SDK2: variants seen among roughly 807,000 people sequenced by gnomAD.
SDK2 encodes the protein protein sidekick-2.
SDK2 carries 105 observed loss-of-function variants against 253.9 expected under a neutral mutation model. The ratio of observed to expected loss-of-function variants is 0.41; its 90% CI spans 0.35 to 0.49. The LOEUF (loss-of-function observed/expected upper bound fraction) is 0.49, where lower values mean the gene tolerates loss of function less well. SDK2 is among the 20% of genes least tolerant of loss of function. The probability of loss-of-function intolerance (pLI) is 0.06; values close to 1 mark genes in which losing one functional copy is unlikely to be tolerated. For missense variants in SDK2, 2,608 were observed against 3,003.0 expected (o/e 0.87, Z 3.07); for synonymous variants, 1,249 against 1,234.9 (o/e 1.01, Z -0.24).
chr17:73,408,211 C>T (rs944309374), intron 18 of SDK2, among the ~76,000 whole-genome samples: 1 of 150,758 alleles, frequency 6.6e-6, no homozygotes, highest in Non-Finnish European at 1.5e-5. Context: ...ACCACTACAC[C>T]TGGCTAATTT....
intron 1 of SDK2, among the ~76,000 whole-genome samples, chr17:73,551,579 A>G (rs1231423171): frequency 5.3e-5 from 8 of 150,574 alleles, no homozygotes; most frequent in African/African-American, 9.8e-5. Context: ...TCTCAACCTA[A>G]CCCCTCCTGG....
chr17:73,419,727 A>C (rs1347203492), intron 15 of SDK2, among the ~76,000 whole-genome samples: 13 of 113,766 alleles, frequency 1.1e-4, no homozygotes, highest in South Asian at 1.1e-3. Context: ...AACAAAAAAA[A>C]CCCAAAAAAA....
chr17:73,443,201 G>A lies in SDK2; in HGVS notation c.614-2278C>T, dbSNP rs1205238198. On this transcript the variant is annotated intron_variant, in intron 5 of 44. Transcript: ENST00000392650. This position sits in a 1 kb window ranked among gnomAD's most constrained non-coding sequence, Gnocchi z 4.6. Reference sequence around the variant, plus strand: ...TGGGCCACCTTGTCAGCCCTGGGCAGGTTTTCCTTCCTTGACTCCAGGCCT... The same window carrying A: ...TGGGCCACCTTGTCAGCCCTGGGCAAGTTTTCCTTCCTTGACTCCAGGCCT... 6.6e-6 allele frequency among the ~76,000 whole-genome samples: 1 copy of A among 152,178 alleles called. No homozygotes were observed. Among genetic ancestry groups the A allele is most frequent in the Non-Finnish European group, 1.5e-5 (1 of 68,038 alleles).
chr17:73,387,378 G>T (rs985655529), intron 30 of SDK2, among the ~76,000 whole-genome samples: 1 of 152,126 alleles, frequency 6.6e-6, no homozygotes, highest in South Asian at 2.1e-4. Context: ...AGATTTATGG[G>T]GGGTGGGAGA....
Position 73,385,899 on chromosome 17 carries a change from G to A in SDK2, c.4517C>T (p.Thr1506Ile), listed in dbSNP as rs1188336607. The change falls in exon 32 of 45, where the codon ACC becomes ATC. Residue 1506 changes from threonine to isoleucine, a missense_variant. Transcript: ENST00000392650. ...TLQAAPDEAP[T>I]ILSVTPHTTT... The stretch of plus-strand genomic sequence containing the variant: ...GGTGTGGGGCGTCACGGAGAGGATG[G>A]TGGGTGCTTCATCGGGGGCTGTGGA... 6.2e-7 allele frequency: 1 copy of A among 1,608,030 alleles called. No individual in the cohort carries two copies. Among genetic ancestry groups the A allele is most frequent in the Non-Finnish European group, 8.5e-7 (1 of 1,177,782 alleles).
chr17:73,374,942 C>G (rs1021332674), intron 36 of SDK2, among the ~76,000 whole-genome samples: 3 of 152,148 alleles, frequency 2.0e-5, no homozygotes, highest in Non-Finnish European at 4.4e-5. Flanking sequence ...CAGCAGCCAG[C>G]GGGACCCTCT....
chr17:73,558,620 G>A (rs2045181389), intron 1 of SDK2, among the ~76,000 whole-genome samples: 1 of 152,184 alleles, frequency 6.6e-6, no homozygotes, highest in Admixed American at 6.5e-5. Flanking sequence ...GGACTATGGA[G>A]GACCCACACA....
intron 1 of SDK2, among the ~76,000 whole-genome samples, chr17:73,547,199 G>T (rs898623162): frequency 1.3e-5 from 2 of 152,226 alleles, no homozygotes; most frequent in Non-Finnish European, 2.9e-5. Flanking sequence ...ATGTTGCAAG[G>T]CTCTAAGCCA....
At chr17:73,365,720 G>T (rs746350689) in intron 37 of SDK2, among the ~76,000 whole-genome samples, 5 of 152,178 alleles carry the variant, frequency 3.3e-5, no homozygotes, top group South Asian at 4.1e-4. Flanking sequence ...CACACCCCCG[G>T]GGTCATCGTG....
In SDK2 at chr17:73,469,992, G is replaced by GCGCGCGCGCA. The variant is rs1328450219; in HGVS notation, c.331+2119_331+2120insTGCGCGCGCG. 2.7e-3 allele frequency among the ~76,000 whole-genome samples: 346 copies of GCGCGCGCGCA among 126,258 alleles called. 3 individuals are homozygous for GCGCGCGCGCA. The highest frequency in any genetic ancestry group is 7.1e-3 in the African/African-American group (229 of 32,310). 82.8% of individuals were successfully genotyped at this position (126,258 alleles called of 152,430 possible). On this transcript the variant is annotated intron_variant, in intron 3 of 44. Coordinates refer to ENST00000392650, the MANE Select transcript of SDK2 (RefSeq NM_001144952.2). The stretch of plus-strand genomic sequence containing the variant: ...ATGGCATTTGCGACTGCGCGCGCGC[G>GCGCGCGCGCA]CACACACACACACACACACACACAC...
chr17:73,364,462 G>A (rs1202631022), intron 38 of SDK2, among the ~76,000 whole-genome samples: 4 of 152,092 alleles, frequency 2.6e-5, no homozygotes, highest in African/African-American at 9.7e-5. Context: ...GTATCTTCCT[G>A]GGGAGAGGCT....
At chr17:73,415,662 C>T in intron 17 of SDK2, 149 bp downstream of exon 17, 1 of 660,848 alleles carries the variant, frequency 1.5e-6, no homozygotes, top group Non-Finnish European at 2.5e-6. Flanking sequence ...TAATTTTTTT[C>T]ACTTTTTGTA....
intron 1 of SDK2, among the ~76,000 whole-genome samples, chr17:73,535,370 A>G (rs2044756500): frequency 6.6e-6 from 1 of 152,176 alleles, no homozygotes; most frequent in Non-Finnish European, 1.5e-5. Flanking sequence ...TGTCGCTGAC[A>G]GGAAAAATGA....
intron 1 of SDK2, among the ~76,000 whole-genome samples, chr17:73,608,357 C>T (rs1453523221): frequency 6.6e-6 from 1 of 152,144 alleles, no homozygotes; most frequent in African/African-American, 2.4e-5. Flanking sequence ...CTGCTGGCAA[C>T]ATGCCTCGTC....
intron 1 of SDK2, among the ~76,000 whole-genome samples, chr17:73,565,278 A>C (rs180972782): frequency 4.6e-5 from 7 of 152,336 alleles, no homozygotes; most frequent in Admixed American, 4.6e-4. Flanking sequence ...AAATATGTAC[A>C]CATGGGGCCA....
intron 1 of SDK2, among the ~76,000 whole-genome samples, chr17:73,595,142 A>T (rs756110648): frequency 6.6e-6 from 1 of 152,204 alleles, no homozygotes; most frequent in Non-Finnish European, 1.5e-5. Flanking sequence ...CACTTGCTGA[A>T]TAAGTGAAGC....
chr17:73,570,454 G>A lies in SDK2; in HGVS notation c.65-62857C>T, dbSNP rs1649844992. Among the ~76,000 whole-genome samples the A allele has an allele frequency of 6.6e-6, 1 of 152,120 alleles. No individual in the cohort carries two copies. The highest frequency in any genetic ancestry group is 1.5e-5 in the Non-Finnish European group (1 of 68,026). Reference sequence around the variant, plus strand: ...CTGGGTGAGCAGTTGGTGCCGCTTTGCCATTTGCCACTAGATTAGCCCAAA... The same window carrying A: ...CTGGGTGAGCAGTTGGTGCCGCTTTACCATTTGCCACTAGATTAGCCCAAA... On this transcript the variant is annotated intron_variant, in intron 1 of 44. Transcript: ENST00000392650. This position sits in a 1 kb window ranked among gnomAD's most constrained non-coding sequence, Gnocchi z 4.2.
chr17:73,401,406 G>A (rs890832133), intron 20 of SDK2, among the ~76,000 whole-genome samples, 195 bp from the exon 21 acceptor site: 1 of 152,144 alleles, frequency 6.6e-6, no homozygotes, highest in African/African-American at 2.4e-5. Context: ...AGCACTTTAG[G>A]GAATTGCAGG....
At chr17:73,354,918 G>GT (rs2062573716) in intron 40 of SDK2, among the ~76,000 whole-genome samples, 1 of 151,810 alleles carries the variant, frequency 6.6e-6, no homozygotes, top group South Asian at 2.1e-4. Context: ...ACCCAGCCGT[G>GT]TAAGTCGAGC....
Sources: allele counts gnomAD v4.1 joint callset (sites outside exome capture counted in the v4.1 genomes callset), GRCh38; gene constraint gnomAD v4.1.1; non-coding constraint Gnocchi (gnomAD v3.1); transcripts MANE v1.5; gene names NCBI Gene and HGNC (gene_info 2026-07-23, HGNC 2026-07-21).